The following GUCD1 variants were observed in gnomAD, a reference collection of about 807,000 sequenced individuals.
GUCD1 encodes guanylyl cyclase domain containing 1.
In GUCD1, 17 loss-of-function variants were observed where a neutral mutation model predicts 28.3. The observed-to-expected ratio is 0.60, with a 90% CI of 0.41 to 0.90. The LOEUF is 0.90. GUCD1 is among the 40% of genes least tolerant of loss of function. The pLI, the probability that GUCD1 is intolerant of heterozygous loss-of-function variation, is 0.00. For synonymous variants in GUCD1, 129 were observed against 123.3 expected, an observed-to-expected ratio of 1.05 and a Z score of -0.30; for missense variants, 279 against 305.5, an observed-to-expected ratio of 0.91 and a Z score of 0.65.
rs757156798 is a variant in GUCD1, at chr22:24,544,103, C to G, written c.387-20G>C. On this transcript the variant is annotated intron_variant, in intron 4 of 5. Transcript: ENST00000435822. The stretch of plus-strand genomic sequence containing the variant: ...ACTGTGCTGTGGGCGGGAGGGGGGT[C>G]AGCTGGTGCTGCTGGGCCCCCATTC... The G allele has an allele frequency of 3.1e-6, 5 of 1,601,800 alleles. No homozygotes were observed. The highest frequency in any genetic ancestry group is 4.3e-6 in the Non-Finnish European group (5 of 1,171,038).
At chr22:24,553,276 A>C (rs1290343683) in intron 1 of GUCD1, among the ~76,000 whole-genome samples, 1 of 152,244 alleles carries the variant, frequency 6.6e-6, no homozygotes, top group Non-Finnish European at 1.5e-5. Context: ...GTCTTGGGCC[A>C]CACATAAACT....
Position 24,545,760 on chromosome 22 carries a change from C to T in GUCD1, c.386+1154G>A, listed in dbSNP as rs900528131. Among the ~76,000 whole-genome samples the T allele has an allele frequency of 1.2e-4, 18 of 150,960 alleles. 1 individual carries two copies. Among genetic ancestry groups the T allele is most frequent in the Non-Finnish European group, 1.9e-4 (13 of 67,766 alleles). On this transcript the variant is annotated intron_variant, in intron 4 of 5. Coordinates refer to ENST00000435822, the MANE Select transcript of GUCD1 (RefSeq NM_001284254.2). The stretch of plus-strand genomic sequence containing the variant: ...CTGGGACTACAGGCACCCGCCACTG[C>T]GCCCAGCTAATTTTTTGTATTTTTA...
At chr22:24,554,547 G>C (rs546997010) in intron 1 of GUCD1, among the ~76,000 whole-genome samples, 1 of 152,236 alleles carries the variant, frequency 6.6e-6, no homozygotes, top group East Asian at 1.9e-4. Context: ...TCAGGCTACC[G>C]CGTGGCAGAG....
intron 4 of GUCD1, among the ~76,000 whole-genome samples, chr22:24,545,693 T>TC: frequency 6.6e-6 from 1 of 151,326 alleles, no homozygotes; most frequent in South Asian, 2.1e-4. Context: ...AAGCTCCGCC[T>TC]CCTGGGTTCA....
chr22:24,544,072 ACACT>A lies in GUCD1; in HGVS notation c.394_397del (p.Ser132Ter). On this transcript the variant is annotated frameshift_variant, in exon 5 of 6. Transcript: ENST00000435822. LOFTEE classifies it high-confidence loss of function. ...AGCCAGGTGCGCCTGGATGTCCTTCACACTCACTGTGCTGTGGGCGGGAGGGGGG... is the reference window on the plus strand; with the variant it reads ...AGCCAGGTGCGCCTGGATGTCCTTCACACTGTGCTGTGGGCGGGAGGGGGG... 1 of 1,610,654 alleles carries A rather than the reference ACACT, an allele frequency of 6.2e-7. No homozygotes were observed. Among genetic ancestry groups the A allele is most frequent in the South Asian group, 1.1e-5 (1 of 91,074 alleles).
chr22:24,550,448 C>G (rs1221015703), intron 1 of GUCD1, among the ~76,000 whole-genome samples: 1 of 152,208 alleles, frequency 6.6e-6, no homozygotes, highest in African/African-American at 2.4e-5. Context: ...CAGGACCCTC[C>G]TCCGTAGCCA....
chr22:24,549,556 G>C (rs1391592432), intron 1 of GUCD1, among the ~76,000 whole-genome samples: 1 of 152,152 alleles, frequency 6.6e-6, no homozygotes, highest in Non-Finnish European at 1.5e-5. Flanking sequence ...CTGTCGCACA[G>C]GCTGGAGTGC....
At chr22:24,553,731 C>G (rs1569018956) in intron 1 of GUCD1, among the ~76,000 whole-genome samples, 1 of 152,252 alleles carries the variant, frequency 6.6e-6, no homozygotes, top group African/African-American at 2.4e-5. Context: ...AGCTCTCTCT[C>G]AGAGACTCAG....
At chr22:24,548,593 A>G (rs568965282) in intron 2 of GUCD1, among the ~76,000 whole-genome samples, 1 of 152,110 alleles carries the variant, frequency 6.6e-6, no homozygotes, top group South Asian at 2.1e-4. Context: ...AACGGTCAGC[A>G]CCCCATTCTC....
At chr22:24,544,105 G>C (rs1360000782) in intron 4 of GUCD1, 22 bp from the exon 5 acceptor site, 1 of 1,598,926 alleles carries the variant, frequency 6.3e-7, no homozygotes, top group Non-Finnish European at 8.6e-7. Flanking sequence ...AGGGGGGTCA[G>C]CTGGTGCTGC....
chr22:24,548,608 G>C (rs1051044525), intron 2 of GUCD1, among the ~76,000 whole-genome samples: 2 of 152,126 alleles, frequency 1.3e-5, no homozygotes, highest in Non-Finnish European at 2.9e-5. Context: ...ATTCTCCCAG[G>C]AGCCAGAAAC....
At chr22:24,555,489 A>G (rs1430702502), upstream of GUCD1, 7 of 1,230,278 alleles carry the variant, frequency 5.7e-6, no homozygotes, top group East Asian at 1.8e-4. Context: ...CGCCCAGTGC[A>G]TCCCCGAGGC....
intron 2 of GUCD1, 111 bp from the exon 3 acceptor site, chr22:24,548,184 T>C (rs2044780472): frequency 1.2e-6 from 1 of 862,130 alleles, no homozygotes; most frequent in Non-Finnish European, 1.8e-6. Flanking sequence ...TCCCCAGAAG[T>C]CTCCCTCCTT....
chr22:24,547,539 A>G (rs2044758431), intron 3 of GUCD1: 1 of 222,150 alleles, frequency 4.5e-6, no homozygotes, highest in South Asian at 1.0e-4. Flanking sequence ...AAGTAAAAAA[A>G]TGTGCAAATG....
chr22:24,547,031 T>G (rs371379995), intron 3 of GUCD1, 26 bp from the exon 4 acceptor site: 24 of 1,558,754 alleles, frequency 1.5e-5, no homozygotes, highest in African/African-American at 2.7e-5. Flanking sequence ...GGGGATGGAG[T>G]GGCCACCACC....
Position 24,548,953 on chromosome 22 carries a change from C to A in GUCD1, c.92G>T (p.Trp31Leu). 1 of 1,586,308 alleles carries A rather than the reference C, an allele frequency of 6.3e-7. No homozygotes were observed. Among genetic ancestry groups the A allele is most frequent in the Non-Finnish European group, 8.6e-7 (1 of 1,166,200 alleles). ...PVPVIQQLYH[W>L]DCGLACSRMV... ...CCTGGAGCAGGCCAGGCCACAGTCCCAGTGGTAGAGCTGCTGGATGACGGG... is the reference window on the plus strand; with the variant it reads ...CCTGGAGCAGGCCAGGCCACAGTCCAAGTGGTAGAGCTGCTGGATGACGGG... Residue 31 changes from tryptophan (W) to leucine (L), a missense_variant, in exon 2 of 6, where the codon TGG (tryptophan) becomes TTG (leucine). Physicochemically the swap from Trp to Leu is moderately conservative, Grantham distance 61. Transcript: ENST00000435822.
At chr22:24,550,888 C>T (rs551137463) in intron 1 of GUCD1, among the ~76,000 whole-genome samples, 2 of 152,248 alleles carry the variant, frequency 1.3e-5, no homozygotes, top group Middle Eastern at 3.4e-3. Flanking sequence ...ACTTTGCCTC[C>T]TAGGATGCGG....
chr22:24,540,786 G>C lies in GUCD1; in HGVS notation c.*2220C>G. 6.5e-6 allele frequency: 1 copy of C among 153,788 alleles called. No homozygotes were observed. The allele number at this position is 153,788 out of a possible 1,614,324, so 9.5% of individuals were successfully genotyped here. On this transcript the variant is annotated 3_prime_UTR_variant, in exon 6 of 6. Transcript: ENST00000435822. ...TTTCTCATTCATCTTTCAGGAAGGT[G>C]ACCTTTAACTTGTGGCATGCCCTGA...
chr22:24,554,874 T>C, intron 1 of GUCD1, 75 bp downstream of exon 1: 1 of 1,239,444 alleles, frequency 8.1e-7, no homozygotes, highest in Non-Finnish European at 1.2e-6. Context: ...GTCGCGCGAC[T>C]GGACCCTGCC....
Sources: gnomAD v4.1 joint callset for allele counts (sites outside exome capture counted in the v4.1 genomes callset) on GRCh38, gnomAD v4.1.1 for gene constraint, MANE v1.5 for transcripts, NCBI Gene and HGNC (gene_info 2026-07-23, HGNC 2026-07-21) for gene names.